The following ZNF469 variants were observed in gnomAD, a reference collection of about 807,000 sequenced individuals.
The protein encoded by ZNF469 is zinc finger protein 469.
In ZNF469, 1 loss-of-function variant was observed where a neutral mutation model predicts 1.0. The observed-to-expected ratio is 1.00, with a 90% CI of 0.35 to 4.73. ZNF469 has a LOEUF of 4.73. Ranked by LOEUF, ZNF469 falls within the 30% of genes most tolerant of loss-of-function variation. ZNF469 has a pLI of 0.16. For missense variants in ZNF469, 6,100 were observed against 5,356.3 expected (o/e 1.14, Z -4.33); for synonymous variants, 2,703 against 2,363.4 (o/e 1.14, Z -4.17).
rs1258205966 is a variant in ZNF469, at chr16:88,433,828, G to A, written c.6358G>A (p.Ala2120Thr). Residue 2120 changes from alanine (A) to threonine (T), a missense_variant, in exon 3 of 3, where the codon GCC becomes ACC. Coordinates refer to ENST00000565624, the MANE Select transcript of ZNF469 (RefSeq NM_001367624.2). ...LAACAPSPTS[A>T]AHMPCSLGPL... ...CGCCTGCGCCCCCTCACCCACTTCA[G>A]CCGCCCACATGCCCTGCAGCCTTGG... is the stretch of plus-strand genomic sequence containing the variant. 1 of 1,549,826 alleles carries A rather than the reference G, an allele frequency of 6.5e-7. No individual in the cohort carries two copies. Among genetic ancestry groups the A allele is most frequent in the East Asian group, 2.4e-5 (1 of 40,906 alleles).
At chr16:88,121,250 C>T in the ZNF469 span, among the ~76,000 whole-genome samples, 7 of 148,680 alleles carry the variant, frequency 4.7e-5, no homozygotes, top group African/African-American at 1.5e-4. Flanking sequence ...GGGGTGGGGG[C>T]GCTGTACTTG....
At chr16:88,142,092 T>C in the ZNF469 span, among the ~76,000 whole-genome samples, 1 of 152,166 alleles carries the variant, frequency 6.6e-6, no homozygotes, top group Non-Finnish European at 1.5e-5. Context: ...GCGGCCAGGA[T>C]CTCAACAGGC....
At chr16:88,420,578 G>A (rs559921368) in intron 1 of ZNF469, among the ~76,000 whole-genome samples, 2 of 152,320 alleles carry the variant, frequency 1.3e-5, no homozygotes, top group African/African-American at 2.4e-5. Flanking sequence ...GATGTGGAAC[G>A]ACAGGCGCCC....
At chr16:88,124,223 G>GT in the ZNF469 span, among the ~76,000 whole-genome samples, 6 of 152,120 alleles carry the variant, frequency 3.9e-5, no homozygotes, top group Non-Finnish European at 7.4e-5. Context: ...TCTGTGACTT[G>GT]TTTTTTATTT....
chr16:88,237,444 C>T, the ZNF469 span, among the ~76,000 whole-genome samples: 7 of 63,498 alleles, frequency 1.1e-4, no homozygotes, highest in South Asian at 6.5e-4. Context: ...CCTCCCTGCC[C>T]TCCGTGCTCC....
the ZNF469 span, among the ~76,000 whole-genome samples, chr16:88,170,884 C>T: frequency 6.6e-6 from 1 of 151,570 alleles, no homozygotes; most frequent in Admixed American, 6.6e-5. This position sits in a 1 kb window ranked among gnomAD's most constrained non-coding sequence, Gnocchi z 4.2. Context: ...CAACCGCGAG[C>T]AAGTGTTGCC....
chr16:88,278,713 G>A, the ZNF469 span, among the ~76,000 whole-genome samples: 11 of 127,888 alleles, frequency 8.6e-5, 2 homozygotes, highest in African/African-American at 2.4e-4. Flanking sequence ...CGACACTGAC[G>A]CTCAGTCAGT....
chr16:88,406,186 C>T (rs958540358), intron 1 of ZNF469, among the ~76,000 whole-genome samples: 8 of 152,170 alleles, frequency 5.3e-5, no homozygotes, highest in East Asian at 1.9e-4. Flanking sequence ...ACCGCCCTTC[C>T]GTGGGGCCCA....
At chr16:88,305,734 C>T in the ZNF469 span, among the ~76,000 whole-genome samples, 2 of 152,174 alleles carry the variant, frequency 1.3e-5, no homozygotes, top group Non-Finnish European at 2.9e-5. Flanking sequence ...ACACTCATGC[C>T]TGCATGCTCA....
chr16:88,154,152 T>G, the ZNF469 span, among the ~76,000 whole-genome samples: 1 of 152,184 alleles, frequency 6.6e-6, no homozygotes. Flanking sequence ...TTTTGTTTGT[T>G]GGTTTGTTTT....
At chr16:88,154,761 G>C in the ZNF469 span, among the ~76,000 whole-genome samples, 2 of 152,202 alleles carry the variant, frequency 1.3e-5, no homozygotes, top group Admixed American at 1.3e-4. Flanking sequence ...CCACATCACA[G>C]GCAGCTGCCC....
the ZNF469 span, among the ~76,000 whole-genome samples, chr16:88,289,161 GA>G: frequency 1.3e-5 from 2 of 151,382 alleles, no homozygotes; most frequent in Admixed American, 6.6e-5. Context: ...TGATGGCAAT[GA>G]TGATGATGAT....
the ZNF469 span, among the ~76,000 whole-genome samples, chr16:88,228,170 G>A: frequency 6.6e-6 from 1 of 152,262 alleles, no homozygotes. Flanking sequence ...GCAGGAAGAC[G>A]TGGCTTTGGA....
rs1021168005 is a variant in ZNF469 at position 88,437,437 on chromosome 16, C to T, written c.9967C>T (p.Leu3323=). Residue 3323 remains leucine, a synonymous_variant, in exon 3 of 3, where the codon CTG becomes TTG. Coordinates refer to ENST00000565624, the MANE Select transcript of ZNF469 (RefSeq NM_001367624.2). The stretch of plus-strand genomic sequence containing the variant: ...CCCCTGGGCCGGCGGGGAGCCCCTC[C>T]TGCAAGCCACCCCGGTGCACGAGGC... ...PDPWAGGEPL[L]QATPVHEACK... 1.3e-6 allele frequency: 2 copies of T among 1,523,704 alleles called. No individual in the cohort carries two copies. Among genetic ancestry groups the T allele is most frequent in the Non-Finnish European group, 1.8e-6 (2 of 1,131,694 alleles). The allele number at this position is 1,523,704 out of a possible 1,614,324, so 94.4% of individuals were successfully genotyped here.
At chr16:88,338,918 GA>G in the ZNF469 span, among the ~76,000 whole-genome samples, 1 of 152,126 alleles carries the variant, frequency 6.6e-6, no homozygotes, top group Non-Finnish European at 1.5e-5. Flanking sequence ...CTTCTGTATG[GA>G]GAGAACATTT....
the ZNF469 span, among the ~76,000 whole-genome samples, chr16:88,183,174 G>A: frequency 6.6e-6 from 1 of 152,246 alleles, no homozygotes; most frequent in Non-Finnish European, 1.5e-5. Context: ...CCACTGCCAG[G>A]TGCTGATGAA....
the ZNF469 span, among the ~76,000 whole-genome samples, chr16:88,296,520 A>C: frequency 1.1e-3 from 162 of 148,218 alleles, no homozygotes; most frequent in Non-Finnish European, 1.8e-3. Flanking sequence ...CACCCTCCCC[A>C]CACACACACA....
intron 1 of ZNF469, among the ~76,000 whole-genome samples, chr16:88,395,476 ATAAT>A (rs770634750): frequency 3.7e-4 from 57 of 152,222 alleles, no homozygotes; most frequent in Non-Finnish European, 6.8e-4. Context: ...TATTGTATAA[ATAAT>A]ATATAATTGT....
the ZNF469 span, among the ~76,000 whole-genome samples, chr16:88,101,485 G>A: frequency 3.3e-5 from 5 of 151,632 alleles, no homozygotes; most frequent in Admixed American, 2.0e-4. Context: ...CCCGGGTTGG[G>A]ATATGCTGTG....
Sources: gnomAD v4.1 joint callset for allele counts (sites outside exome capture counted in the v4.1 genomes callset) on GRCh38, gnomAD v4.1.1 for gene constraint, Gnocchi (gnomAD v3.1) non-coding constraint, MANE v1.5 for transcripts, NCBI Gene and HGNC (gene_info 2026-07-23, HGNC 2026-07-21) for gene names.